The following WDR17 variants were observed in gnomAD, a reference collection of about 807,000 sequenced individuals.
The protein encoded by WDR17 is WD repeat-containing protein 17.
In WDR17, 143 loss-of-function variants were observed where a neutral mutation model predicts 161.7. The ratio of observed to expected loss-of-function variants is 0.88; its 90% CI spans 0.77 to 1.02. The LOEUF (loss-of-function observed/expected upper bound fraction) is 1.02. WDR17 is among the 50% of genes least tolerant of loss of function. The pLI is 0.00. For synonymous variants in WDR17, 517 were observed against 515.6 expected (o/e 1.00, Z -0.04); for missense variants, 1,469 against 1,520.9 (o/e 0.97, Z 0.57).
Position 176,160,022 on chromosome 4 carries a change from A to C in WDR17, c.2554A>C (p.Lys852Gln), listed in dbSNP as rs758683727. Residue 852 changes from lysine (K) to glutamine (Q), a missense_variant, in exon 19 of 29, where the codon AAG becomes CAG. Transcript: ENST00000508596. ...AGCTGACCAATTAATCCAGGAAGAT[A>C]AGGATGATGTCATTCCATACTGCAT... ...RRADQLIQED[K>Q]DDVIPYCIAI... 1.2e-6 allele frequency: 2 copies of C among 1,610,470 alleles called. No homozygotes were observed. Among genetic ancestry groups the C allele is most frequent in the Non-Finnish European group, 1.7e-6 (2 of 1,177,682 alleles).
chr4:176,077,264 A>G (rs1308718693), intron 1 of WDR17, among the ~76,000 whole-genome samples: 1 of 151,736 alleles, frequency 6.6e-6, no homozygotes, highest in African/African-American at 2.4e-5. Flanking sequence ...TACATGATGG[A>G]AATGAGAAAG....
intron 1 of WDR17, among the ~76,000 whole-genome samples, chr4:176,076,214 A>AATATATATATATAT (rs1219401869): frequency 1.8e-4 from 11 of 62,246 alleles, no homozygotes; most frequent in Non-Finnish European, 3.2e-4. Flanking sequence ...TTACATATAT[A>AATATATATATATAT]ATATATATAT....
chr4:176,072,085 A>G (rs1733317578), intron 1 of WDR17, among the ~76,000 whole-genome samples: 1 of 152,174 alleles, frequency 6.6e-6, no homozygotes. Flanking sequence ...CTAGTACTGT[A>G]CTTGTGACCT....
intron 3 of WDR17, 56 bp downstream of exon 3, chr4:176,116,035 C>G: frequency 6.8e-7 from 1 of 1,480,552 alleles, no homozygotes. Context: ...TTTCAACAAG[C>G]ACTATCAATA....
chr4:176,136,073 AGTGT>A (rs1744351443), intron 8 of WDR17, among the ~76,000 whole-genome samples: 1 of 151,642 alleles, frequency 6.6e-6, no homozygotes, highest in Non-Finnish European at 1.5e-5. Context: ...AATAATTTTT[AGTGT>A]GTGTGTATAT....
intron 11 of WDR17, among the ~76,000 whole-genome samples, chr4:176,144,107 G>A (rs1009843863): frequency 1.9e-4 from 29 of 151,442 alleles, no homozygotes; most frequent in African/African-American, 6.8e-4. Flanking sequence ...ACTTATACTG[G>A]CCCCCTTACC....
At chr4:176,161,024 G>A in intron 20 of WDR17, 22 bp downstream of exon 20, 1 of 1,579,526 alleles carries the variant, frequency 6.3e-7, no homozygotes. Flanking sequence ...ATTTGCTCTG[G>A]GTCCATATGT....
At chr4:176,081,297 C>A (rs1328549671) in intron 1 of WDR17, among the ~76,000 whole-genome samples, 1 of 152,148 alleles carries the variant, frequency 6.6e-6, no homozygotes, top group Non-Finnish European at 1.5e-5. Flanking sequence ...CCATGATCTA[C>A]ATGACTTTCC....
intron 18 of WDR17, among the ~76,000 whole-genome samples, chr4:176,158,733 A>G (rs1748544996): frequency 6.6e-6 from 1 of 152,192 alleles, no homozygotes; most frequent in African/African-American, 2.4e-5. Flanking sequence ...GGCAAATGGG[A>G]ATACACAAAA....
intron 22 of WDR17, chr4:176,166,104 T>C: frequency 2.8e-6 from 3 of 1,090,152 alleles, no homozygotes; most frequent in South Asian, 3.2e-5. Flanking sequence ...ATGGTATTCA[T>C]ATTTAATATT....
At chr4:176,081,505 A>G (rs1365536878) in intron 1 of WDR17, among the ~76,000 whole-genome samples, 1 of 152,112 alleles carries the variant, frequency 6.6e-6, no homozygotes, top group Non-Finnish European at 1.5e-5. Context: ...TCTCTATTAT[A>G]GCAGCTATTG....
intron 1 of WDR17, among the ~76,000 whole-genome samples, chr4:176,080,448 T>A (rs563513407): frequency 1.1e-4 from 16 of 151,624 alleles, no homozygotes; most frequent in East Asian, 3.9e-4. Flanking sequence ...AAAAAGATTT[T>A]AAAAAAACAA....
At chr4:176,082,311 A>C (rs1341796776) in intron 1 of WDR17, among the ~76,000 whole-genome samples, 1 of 152,084 alleles carries the variant, frequency 6.6e-6, no homozygotes, top group Non-Finnish European at 1.5e-5. Context: ...AATTTTAATA[A>C]CCATGTATAC....
Position 176,172,345 on chromosome 4 carries a change from A to C in WDR17, c.3103-30A>C, listed in dbSNP as rs368289766. The C allele has an allele frequency of 1.9e-6, 3 of 1,590,056 alleles. No individual in the cohort carries two copies. In the African/African-American group the frequency reaches 4.1e-5, roughly 22 times the overall value. ...TGCTTTTATCCGTTTGAATTTTAGT[A>C]ACATTGTTTTCAAATCAATTATTTT... is the stretch of plus-strand genomic sequence containing the variant. On this transcript the variant is annotated intron_variant, in intron 23 of 28. Transcript: ENST00000508596.
chr4:176,152,705 C>T (rs1305114388), intron 17 of WDR17, among the ~76,000 whole-genome samples: 2 of 150,750 alleles, frequency 1.3e-5, no homozygotes, highest in Admixed American at 6.6e-5. Flanking sequence ...GAGGCCAAGG[C>T]GGAAGGATCA....
At chr4:176,128,898 A>C in intron 6 of WDR17, 38 bp downstream of exon 6, 2 of 1,493,736 alleles carry the variant, frequency 1.3e-6, no homozygotes, top group Non-Finnish European at 1.8e-6. Flanking sequence ...ATTTTTAAAA[A>C]ATATTGTGTT....
chr4:176,083,492 T>C (rs1217908104), intron 1 of WDR17, among the ~76,000 whole-genome samples: 1 of 152,146 alleles, frequency 6.6e-6, no homozygotes, highest in Non-Finnish European at 1.5e-5. Flanking sequence ...GCTTCTTTCA[T>C]TATTTGTGAG....
Position 176,131,860 on chromosome 4 carries a change from T to G in WDR17, c.1098+122T>G. On this transcript the variant is annotated intron_variant, in intron 7 of 28. Transcript: ENST00000508596. ...TTGTAAGTAATAATATACTAGAAAT[T>G]TATTGTAGCTGGTTGAAACATTTTA... is the stretch of plus-strand genomic sequence containing the variant. 4 of 763,442 alleles carry G rather than the reference T, an allele frequency of 5.2e-6. No individual in the cohort carries two copies. The East Asian group carries it at 9.8e-5, about 19-fold the overall frequency. The allele number at this position is 763,442 out of a possible 1,614,324, so 47.3% of individuals were successfully genotyped here. A position where few individuals can be genotyped will look rare whatever the true frequency, so the allele number is the denominator to read the frequency against.
Position 176,173,400 on chromosome 4 carries a change from G to C in WDR17, c.3347+31G>C, listed in dbSNP as rs574534116. On this transcript the variant is annotated intron_variant, in intron 25 of 28. Coordinates refer to ENST00000508596, the MANE Select transcript of WDR17 (RefSeq NM_181265.4). ...TATTTTTTCTGCAAAATATATAAGT[G>C]AATCTATTTGATAATTTTAAAGTGG... is the stretch of plus-strand genomic sequence containing the variant. 21 of 1,421,360 alleles carry C rather than the reference G, an allele frequency of 1.5e-5. No homozygotes were observed. In the South Asian group the frequency reaches 2.3e-4, roughly 16 times the overall value. 88.0% of individuals were successfully genotyped at this position (1,421,360 alleles called of 1,614,324 possible). A position where few individuals can be genotyped will look rare whatever the true frequency, so the allele number is the denominator to read the frequency against.
Sources: gnomAD v4.1 joint callset for allele counts (sites outside exome capture counted in the v4.1 genomes callset) on GRCh38, gnomAD v4.1.1 for gene constraint, MANE v1.5 for transcripts, NCBI Gene and HGNC (gene_info 2026-07-23, HGNC 2026-07-21) for gene names.